Variants in ANKFN1 observed in about 807,000 individuals in gnomAD.
The protein encoded by ANKFN1 is ankyrin repeat and fibronectin type-III domain-containing protein 1.
Under a neutral mutation model 108.7 loss-of-function variants are expected in ANKFN1, and 74 were observed. That is an observed-to-expected ratio of 0.68 (90% CI 0.56 to 0.83). The LOEUF (loss-of-function observed/expected upper bound fraction) is 0.83, where lower values mean the gene tolerates loss of function less well. Ranked by LOEUF, ANKFN1 falls within the 40% of genes least tolerant of loss-of-function variation. The pLI is 0.00. For synonymous variants in ANKFN1, 547 were observed against 516.2 expected (o/e 1.06, Z -0.81); for missense variants, 1,505 against 1,382.3 (o/e 1.09, Z -1.41).
At chr17:56,238,508 T>C (rs1917329899) in intron 3 of ANKFN1, among the ~76,000 whole-genome samples, 1 of 152,202 alleles carries the variant, frequency 6.6e-6, no homozygotes, top group Admixed American at 6.6e-5. Context: ...ACCTTCTTAT[T>C]GAATTGAACC....
chr17:56,318,792 C>A (rs1287160846), intron 3 of ANKFN1, among the ~76,000 whole-genome samples: 2 of 152,176 alleles, frequency 1.3e-5, no homozygotes, highest in African/African-American at 4.8e-5. Flanking sequence ...GTTAGGACTA[C>A]TCATCCTATC....
At chr17:56,345,156 T>C (rs550247857) in intron 4 of ANKFN1, among the ~76,000 whole-genome samples, 2 of 152,158 alleles carry the variant, frequency 1.3e-5, no homozygotes, top group African/African-American at 4.8e-5. Flanking sequence ...GGTTATATGT[T>C]CCTGTGACAG....
chr17:56,407,097 A>G (rs1008132412), intron 8 of ANKFN1, among the ~76,000 whole-genome samples: 16 of 152,192 alleles, frequency 1.1e-4, no homozygotes, highest in Admixed American at 7.2e-4. Flanking sequence ...TGATAAGCTA[A>G]AATTGTCTAA....
intron 1 of ANKFN1, among the ~76,000 whole-genome samples, chr17:56,191,980 A>C: frequency 6.6e-6 from 1 of 151,652 alleles, no homozygotes; most frequent in Non-Finnish European, 1.5e-5. Context: ...TCCATTGCTG[A>C]TACCCTTTCT....
chr17:56,350,880 T>C lies in ANKFN1; in HGVS notation c.303T>C (p.Ser101=). The part of the protein sequence containing the change: ...NAAKRLYRNL[S]EKLKGSHSSF... ...CCAAACGCCTGTACAGGAACCTCTC[T>C]GAGAAACTGAAAGGGAGCCACTCTT... Residue 101 remains serine, a synonymous_variant, in exon 5 of 21, where the codon TCT becomes TCC. Transcript: ENST00000682825. 6.2e-7 allele frequency: 1 copy of C among 1,613,772 alleles called. No individual in the cohort carries two copies. Among genetic ancestry groups the C allele is most frequent in the Non-Finnish European group, 8.5e-7 (1 of 1,179,836 alleles).
Position 56,515,537 on chromosome 17 carries a change from T to C in ANKFN1, c.*4268T>C, listed in dbSNP as rs974059327. 3.9e-5 allele frequency among the ~76,000 whole-genome samples: 6 copies of C among 152,222 alleles called. No individual in the cohort carries two copies. The highest frequency in any genetic ancestry group is 1.4e-4 in the African/African-American group (6 of 41,448). On this transcript the variant is annotated 3_prime_UTR_variant, in exon 21 of 21. Transcript: ENST00000682825. ...TTGCTGGTCACCTCTCATAAGATGTTCAAACACATGGCTTATGACTGTTAA... is the reference window on the plus strand; with the variant it reads ...TTGCTGGTCACCTCTCATAAGATGTCCAAACACATGGCTTATGACTGTTAA...
chr17:56,219,831 G>A (rs939895531), intron 2 of ANKFN1, among the ~76,000 whole-genome samples: 4 of 152,242 alleles, frequency 2.6e-5, no homozygotes, highest in Non-Finnish European at 4.4e-5. Flanking sequence ...CTCCAATGGC[G>A]GCTACTGAAA....
chr17:56,327,006 A>G (rs1286644379), intron 4 of ANKFN1, among the ~76,000 whole-genome samples: 1 of 152,164 alleles, frequency 6.6e-6, no homozygotes, highest in Non-Finnish European at 1.5e-5. Flanking sequence ...TCTTTATTTC[A>G]TAAAGATATG....
chr17:56,177,009 G>A (rs1911222882), intron 1 of ANKFN1, among the ~76,000 whole-genome samples: 1 of 152,190 alleles, frequency 6.6e-6, no homozygotes, highest in Non-Finnish European at 1.5e-5. Flanking sequence ...AAGAAGGCCA[G>A]GTTGGAGTTT....
At chr17:56,276,440 A>G (rs929801944) in intron 3 of ANKFN1, among the ~76,000 whole-genome samples, 8 of 152,258 alleles carry the variant, frequency 5.3e-5, no homozygotes, top group Admixed American at 3.9e-4. Flanking sequence ...GTCTTCCACA[A>G]TGGTTGAACT....
At chr17:56,423,485 C>G (rs1193637161) in intron 8 of ANKFN1, among the ~76,000 whole-genome samples, 1 of 152,204 alleles carries the variant, frequency 6.6e-6, no homozygotes, top group Non-Finnish European at 1.5e-5. Flanking sequence ...TCACCTCATT[C>G]CCTTGCTCAT....
At chr17:56,208,732 C>T (rs946362403) in intron 1 of ANKFN1, among the ~76,000 whole-genome samples, 1 of 152,154 alleles carries the variant, frequency 6.6e-6, no homozygotes, top group African/African-American at 2.4e-5. Context: ...TTCAGTGTGG[C>T]TGTCCTATTC....
chr17:56,307,085 G>A (rs939475615), intron 3 of ANKFN1, among the ~76,000 whole-genome samples: 4 of 152,110 alleles, frequency 2.6e-5, no homozygotes, highest in African/African-American at 9.7e-5. Flanking sequence ...ATTCAAGATG[G>A]ATTAAAGACT....
intron 4 of ANKFN1, among the ~76,000 whole-genome samples, chr17:56,080,254 G>A (rs9896106): frequency 0.56 from 84,567 of 152,008 alleles, 24,975 homozygotes; most frequent in Non-Finnish European, 0.68. Context: ...CAATGTGCTT[G>A]TCTTTTGATA....
At chr17:56,401,363 A>ATTGTC (rs1235670711) in intron 8 of ANKFN1, among the ~76,000 whole-genome samples, 1 of 95,262 alleles carries the variant, frequency 1.0e-5, no homozygotes. Context: ...ATTGTATTGT[A>ATTGTC]TTGTATTGTG....
At chr17:56,170,801 T>TACACACACACACACACAC (rs1224594065) in intron 1 of ANKFN1, among the ~76,000 whole-genome samples, 134 of 64,178 alleles carry the variant, frequency 2.1e-3, no homozygotes, top group East Asian at 7.2e-3. Context: ...TATATATATA[T>TACACACACACACACACAC]ATATATACAC....
At chr17:56,124,224 A>T (rs1427828324) in intron 4 of ANKFN1, among the ~76,000 whole-genome samples, 4 of 152,206 alleles carry the variant, frequency 2.6e-5, no homozygotes, top group Admixed American at 2.6e-4. Context: ...TAAATTCTAC[A>T]TAATTTTCTC....
At chr17:56,156,752 G>A (rs1459185072) in intron 1 of ANKFN1, among the ~76,000 whole-genome samples, 1 of 152,136 alleles carries the variant, frequency 6.6e-6, no homozygotes, top group Non-Finnish European at 1.5e-5. Flanking sequence ...CTTAGAGTTA[G>A]CAAACTACAG....
At chr17:56,508,695 T>A (rs1236250798) in intron 20 of ANKFN1, among the ~76,000 whole-genome samples, 1 of 152,226 alleles carries the variant, frequency 6.6e-6, no homozygotes, top group African/African-American at 2.4e-5. Flanking sequence ...CCTGTCCCGA[T>A]AAAATATAAT....
Sources: allele counts gnomAD v4.1 joint callset (sites outside exome capture counted in the v4.1 genomes callset), GRCh38; gene constraint gnomAD v4.1.1; transcripts MANE v1.5; gene names NCBI Gene and HGNC (gene_info 2026-07-23, HGNC 2026-07-21).